FOCAD: variants seen among roughly 807,000 people sequenced by gnomAD.
FOCAD encodes the protein KIAA1797.
A neutral mutation model predicts 225.6 loss-of-function variants in FOCAD; 198 were observed. The ratio of observed to expected loss-of-function variants is 0.88; its 90% CI spans 0.78 to 0.99. The LOEUF (loss-of-function observed/expected upper bound fraction) is 0.99. Ranked by LOEUF, FOCAD falls within the 50% of genes least tolerant of loss-of-function variation. FOCAD has a pLI of 0.00. For missense variants in FOCAD, 2,713 were observed against 2,123.6 expected (o/e 1.28, Z -5.46); for synonymous variants, 897 against 755.0 (o/e 1.19, Z -3.08).
At chr9:20,742,907 C>G (rs973266416) in intron 5 of FOCAD, among the ~76,000 whole-genome samples, 1 of 152,162 alleles carries the variant, frequency 6.6e-6, no homozygotes, top group South Asian at 2.1e-4. Context: ...TAATCAATCA[C>G]CTGAGTTGGC....
chr9:20,886,264 A>G (rs991789813), intron 21 of FOCAD, among the ~76,000 whole-genome samples: 4 of 152,172 alleles, frequency 2.6e-5, no homozygotes, highest in African/African-American at 9.7e-5. Context: ...AAAGAGAAGA[A>G]GGATCTGGGA....
chr9:20,822,467 GCA>G (rs1452071485), intron 14 of FOCAD, among the ~76,000 whole-genome samples: 3 of 152,004 alleles, frequency 2.0e-5, no homozygotes, highest in African/African-American at 7.2e-5. Context: ...AATGAATTTA[GCA>G]CAGTGCCTGG....
chr9:20,880,257 C>T (rs1830557460), intron 19 of FOCAD, among the ~76,000 whole-genome samples: 1 of 152,160 alleles, frequency 6.6e-6, no homozygotes, highest in Admixed American at 6.6e-5. Flanking sequence ...AGATGGTAAA[C>T]CGTCTCAGAG....
chr9:20,983,570 C>CA (rs371636885), intron 39 of FOCAD, among the ~76,000 whole-genome samples: 3,442 of 98,256 alleles, frequency 0.035, 159 homozygotes, highest in African/African-American at 0.11. Flanking sequence ...GACTCTGTCT[C>CA]AAAAAAAAAA....
intron 28 of FOCAD, 124 bp from the exon 29 acceptor site, chr9:20,944,503 G>C (rs1836982479): frequency 2.0e-6 from 2 of 1,011,488 alleles, no homozygotes; most frequent in African/African-American, 3.2e-5. Flanking sequence ...CATCTACTAG[G>C]CAGCAGAATT....
chr9:20,906,488 A>T (rs1290680132), intron 21 of FOCAD, among the ~76,000 whole-genome samples: 12 of 152,096 alleles, frequency 7.9e-5, no homozygotes, highest in Non-Finnish European at 1.2e-4. Flanking sequence ...CAAGATAGCC[A>T]TGTACTAATA....
chr9:20,666,281 A>G (rs1682068202), intron 2 of FOCAD, among the ~76,000 whole-genome samples: 1 of 152,220 alleles, frequency 6.6e-6, no homozygotes, highest in South Asian at 2.1e-4. Flanking sequence ...CATGAATAAA[A>G]AAATAACTGG....
Position 20,857,062 on chromosome 9 carries a change from C to T in FOCAD, c.1921-5516C>T, listed in dbSNP as rs147050371. 2.3e-3 allele frequency among the ~76,000 whole-genome samples: 343 copies of T among 151,812 alleles called. 9 individuals are homozygous for T. The East Asian group carries it at 0.044, about 20-fold the overall frequency. On this transcript the variant is annotated intron_variant, in intron 15 of 43. Transcript: ENST00000338382. ...TGTTGTTTTTACTCAGGATGGTTTT[C>T]CTTATACTGGGTCTTTATGTTTCTG...
At chr9:20,908,088 T>A (rs1833135931) in intron 22 of FOCAD, among the ~76,000 whole-genome samples, 1 of 152,112 alleles carries the variant, frequency 6.6e-6, no homozygotes, top group African/African-American at 2.4e-5. Context: ...TTTTTAAATT[T>A]AGAAATAATT....
chr9:20,899,706 A>G (rs146135041), intron 21 of FOCAD, among the ~76,000 whole-genome samples: 396 of 152,126 alleles, frequency 2.6e-3, no homozygotes, highest in African/African-American at 9.0e-3. Context: ...GTAATTTTCA[A>G]TGCTATGGAG....
At position 20,953,029 on chromosome 9, in the gene FOCAD, G is replaced by A. The variant is rs1837820368; in HGVS notation, c.4096G>A (p.Ala1366Thr). 6.2e-7 allele frequency: 1 copy of A among 1,613,508 alleles called. No individual in the cohort carries two copies. Among genetic ancestry groups the A allele is most frequent in the Non-Finnish European group, 8.5e-7 (1 of 1,179,734 alleles). ...CTTGCCTGAAAGCAGTTTTATTGGAGCAGCTATTGGCTTCTTCATTACAGG... is the reference window on the plus strand; with the variant it reads ...CTTGCCTGAAAGCAGTTTTATTGGAACAGCTATTGGCTTCTTCATTACAGG... ...SYLPESSFIGAAIGFFITGGK... is the reference protein window; with the variant it reads ...SYLPESSFIGTAIGFFITGGK... Residue 1366 changes from alanine to threonine, a missense_variant, in exon 35 of 44, where the codon GCA becomes ACA. Coordinates refer to ENST00000338382, the MANE Select transcript of FOCAD (RefSeq NM_001375567.1).
intron 1 of FOCAD, among the ~76,000 whole-genome samples, chr9:20,686,007 G>A (rs1247223971): frequency 6.6e-6 from 1 of 152,182 alleles, no homozygotes; most frequent in African/African-American, 2.4e-5. Flanking sequence ...CGTTTAAAAT[G>A]ATTTATGAAA....
intron 1 of FOCAD, among the ~76,000 whole-genome samples, chr9:20,695,007 C>T (rs914457563): frequency 2.0e-5 from 3 of 152,186 alleles, no homozygotes; most frequent in African/African-American, 7.2e-5. Context: ...TCCCTCCACT[C>T]CTTTTTTCCC....
At chr9:20,924,958 A>G (rs1237604415) in intron 25 of FOCAD, among the ~76,000 whole-genome samples, 2 of 152,142 alleles carry the variant, frequency 1.3e-5, no homozygotes, top group Non-Finnish European at 2.9e-5. Flanking sequence ...AGCTAGTTTG[A>G]TTGAGCATTT....
rs560729467 is a variant in FOCAD, at chr9:20,759,149, T to G, written c.494+958T>G. On this transcript the variant is annotated intron_variant, in intron 6 of 43. Transcript: ENST00000338382. Reference sequence around the variant, plus strand: ...AAACAAATGGAAGAACATTCCATGCTCATGGGTAGGAAGAATCAATATCAT... The same window carrying G: ...AAACAAATGGAAGAACATTCCATGCGCATGGGTAGGAAGAATCAATATCAT... Among the ~76,000 whole-genome samples, 242 of 152,278 alleles carry G rather than the reference T, an allele frequency of 1.6e-3. 4 individuals are homozygous for G. Among genetic ancestry groups the G allele is most frequent in the African/African-American group, 5.5e-3 (229 of 41,540 alleles).
At chr9:20,727,920 G>T (rs1393913230) in intron 4 of FOCAD, among the ~76,000 whole-genome samples, 1 of 152,002 alleles carries the variant, frequency 6.6e-6, no homozygotes, top group African/African-American at 2.4e-5. Flanking sequence ...CCTCATGTTT[G>T]GTATATTTTG....
chr9:20,962,415 CACACAT>C (rs1838826969), intron 35 of FOCAD, among the ~76,000 whole-genome samples: 1 of 137,360 alleles, frequency 7.3e-6, no homozygotes, highest in South Asian at 2.5e-4. Flanking sequence ...TATATACACA[CACACAT>C]ACATACATAC....
intron 35 of FOCAD, among the ~76,000 whole-genome samples, chr9:20,961,833 C>T (rs1203259961): frequency 6.6e-6 from 1 of 152,144 alleles, no homozygotes; most frequent in Non-Finnish European, 1.5e-5. Context: ...TACTTTGTGG[C>T]CTTCCTGATT....
At position 20,688,627 on chromosome 9, in the gene FOCAD, AATAAGAAAGAAT is replaced by A. The variant is rs1822798658; in HGVS notation, c.-33+4336_-33+4347del. ...GGATGATGCCTAAGAGAGTTTGTAG[AATAAGAAAGAAT>A]AAAGCAGAAGGGAAACGCTGGGAAA... On this transcript the variant is annotated intron_variant, in intron 1 of 43. Transcript: ENST00000338382. Among the ~76,000 whole-genome samples, 20 of 152,030 alleles carry A rather than the reference AATAAGAAAGAAT, an allele frequency of 1.3e-4. No individual in the cohort carries two copies. The South Asian group carries it at 4.1e-3, about 32-fold the overall frequency.
Sources: allele counts gnomAD v4.1 joint callset (sites outside exome capture counted in the v4.1 genomes callset), GRCh38; gene constraint gnomAD v4.1.1; transcripts MANE v1.5; gene names NCBI Gene and HGNC (gene_info 2026-07-23, HGNC 2026-07-21).